Variants in BMS1 observed in about 807,000 individuals in gnomAD.
BMS1 encodes the protein BMS1 ribosome biogenesis factor, also known as ribosome biogenesis protein BMS1 homolog.
A neutral mutation model predicts 138.7 loss-of-function variants in BMS1; 53 were observed. That is an observed-to-expected ratio of 0.38 (90% CI 0.31 to 0.48). The LOEUF (loss-of-function observed/expected upper bound fraction) is 0.48, where lower values mean the gene tolerates loss of function less well. BMS1 is among the 20% of genes least tolerant of loss of function. The pLI is 0.97. For synonymous variants in BMS1, 504 were observed against 539.9 expected (o/e 0.93, Z 0.92); for missense variants, 1,360 against 1,565.5 (o/e 0.87, Z 2.22).
chr10:42,787,231 C>T lies in BMS1; in HGVS notation c.431C>T (p.Ala144Val). 1 of 1,350,722 alleles carries T rather than the reference C, an allele frequency of 7.4e-7. No homozygotes were observed. The highest frequency in any genetic ancestry group is 1.7e-5 in the Admixed American group (1 of 58,222). 83.7% of individuals were successfully genotyped at this position (1,350,722 alleles called of 1,614,324 possible). ...GACATTAACATGATGATTGATCTGG[C>T]TAAAGTAGCAGATCTGGTAAGTGAG... ...GCDINMMIDL[A>V]KVADLVLMLI... Residue 144 changes from alanine to valine, a missense_variant, in exon 4 of 23, where the codon GCT (alanine) becomes GTT (valine). This residue lies in a region of BMS1 where 238 missense variants were observed against 311.1 expected (regional missense o/e 0.77). Coordinates refer to ENST00000374518, the MANE Select transcript of BMS1 (RefSeq NM_014753.4).
chr10:42,810,071 G>A (rs1424270714), intron 13 of BMS1, among the ~76,000 whole-genome samples: 1 of 151,364 alleles, frequency 6.6e-6, no homozygotes, highest in East Asian at 2.0e-4. Context: ...CCAAGCGTTA[G>A]GTTTACAGGC....
rs770642495 is a variant in BMS1, at chr10:42,793,023, A to G, written c.968A>G (p.Gln323Arg). The change falls in exon 8 of 23, where the codon CAA becomes CGA. Residue 323 changes from glutamine (Q) to arginine (R), a missense_variant. Around this residue, in one of 3 missense-constraint regions of BMS1, gnomAD observed 697 missense variants for 686.2 expected, o/e 1.02. Coordinates refer to ENST00000374518, the MANE Select transcript of BMS1 (RefSeq NM_014753.4). Reference protein sequence around the residue: ...LPDPCALPEQQKKRCLNEKEK... With the variant: ...LPDPCALPEQRKKRCLNEKEK... ...GACCCTTGCGCTCTTCCTGAACAAC[A>G]AAAGAAGCGCTGTTTAAATGAGAAG... 10 of 1,614,060 alleles carry G rather than the reference A, an allele frequency of 6.2e-6. No homozygotes were observed. In the South Asian group the frequency reaches 9.9e-5, roughly 16 times the overall value.
Position 42,831,054 on chromosome 10 carries a change from C to A in BMS1, c.3807C>A (p.Asn1269Lys), listed in dbSNP as rs1842789152. 6.3e-7 allele frequency: 1 copy of A among 1,579,490 alleles called. No homozygotes were observed. The highest frequency in any genetic ancestry group is 8.6e-7 in the Non-Finnish European group (1 of 1,161,230). Residue 1269 changes from asparagine to lysine, a missense_variant, in exon 23 of 23, where the codon AAC becomes AAA. Physicochemically the swap from Asn to Lys is moderately conservative, Grantham distance 94. Transcript: ENST00000374518. ...TTCAGGGGCAGAAGGAAAGAAGAAA[C>A]CAGAAGTCCAGTTTGAAGGGGGCTG... is the stretch of plus-strand genomic sequence containing the variant. ...FRIQGQKERR[N>K]QKSSLKGAEG...
chr10:42,801,916 G>A (rs1394451529), intron 12 of BMS1, among the ~76,000 whole-genome samples: 2 of 152,108 alleles, frequency 1.3e-5, no homozygotes, highest in African/African-American at 4.8e-5. Context: ...CAGTAGAGTA[G>A]TAGTATTTAA....
At chr10:42,822,692 TAGAA>T (rs1813573785) in intron 19 of BMS1, among the ~76,000 whole-genome samples, 1 of 152,208 alleles carries the variant, frequency 6.6e-6, no homozygotes, top group African/African-American at 2.4e-5. Flanking sequence ...AACACAGAGT[TAGAA>T]AGTCATAAAA....
intron 18 of BMS1, 60 bp from the exon 19 acceptor site, chr10:42,822,002 A>T: frequency 2.0e-6 from 3 of 1,495,804 alleles, no homozygotes; most frequent in Non-Finnish European, 2.8e-6. Flanking sequence ...TGTCACATAG[A>T]ATTGAAGTTT....
intron 2 of BMS1, 73 bp from the exon 3 acceptor site, chr10:42,785,409 A>C (rs1344261606): frequency 3.6e-6 from 5 of 1,386,610 alleles, no homozygotes; most frequent in Admixed American, 2.4e-5. Flanking sequence ...GTCTACTTAT[A>C]AGGTTGATAC....
chr10:42,830,142 A>T (rs1260410282), intron 21 of BMS1, 119 bp from the exon 22 acceptor site: 2 of 1,159,142 alleles, frequency 1.7e-6, no homozygotes, highest in Non-Finnish European at 2.5e-6. Context: ...CAGGGCCGGC[A>T]GACTCTGGTG....
At chr10:42,825,444 T>C (rs1406697330) in intron 21 of BMS1, among the ~76,000 whole-genome samples, 1 of 152,262 alleles carries the variant, frequency 6.6e-6, no homozygotes, top group Admixed American at 6.5e-5. Context: ...AGGATGTCTT[T>C]CCATTTGTTC....
chr10:42,785,653 C>A lies in BMS1; in HGVS notation c.348C>A (p.Gly116=). ...GGCAGAAGTTGACTGAGATCAGAGG[C>A]CCTGTGACGATTGTGTCAGGTAGGA... is the stretch of plus-strand genomic sequence containing the variant. ...FTRQKLTEIR[G]PVTIVSGKKR... Residue 116 remains glycine, a synonymous_variant, in exon 3 of 23, where the codon GGC becomes GGA. Transcript: ENST00000374518. The A allele has an allele frequency of 3.1e-6, 5 of 1,613,736 alleles. No individual in the cohort carries two copies. Among genetic ancestry groups the A allele is most frequent in the Non-Finnish European group, 3.4e-6 (4 of 1,179,732 alleles).
intron 20 of BMS1, 118 bp downstream of exon 20, chr10:42,823,383 C>G: frequency 1.2e-5 from 16 of 1,361,190 alleles, no homozygotes; most frequent in Non-Finnish European, 1.5e-5. Flanking sequence ...AGCCTTAGAT[C>G]TCCCAGTCTT....
intron 5 of BMS1, 62 bp downstream of exon 5, chr10:42,790,573 G>T: frequency 6.4e-7 from 1 of 1,555,240 alleles, no homozygotes; most frequent in Non-Finnish European, 8.8e-7. Flanking sequence ...GACTGAAGAG[G>T]CCGGGTGCAG....
chr10:42,818,170 T>G (rs1188402948), intron 15 of BMS1, among the ~76,000 whole-genome samples: 5 of 152,244 alleles, frequency 3.3e-5, no homozygotes, highest in African/African-American at 4.8e-5. Context: ...ATATGATTTG[T>G]GAAACGGAGT....
chr10:42,790,335 A>G lies in BMS1; in HGVS notation c.460A>G (p.Ile154Val). 3 of 1,613,868 alleles carry G rather than the reference A, an allele frequency of 1.9e-6. No homozygotes were observed. The highest frequency in any genetic ancestry group is 2.5e-6 in the Non-Finnish European group (3 of 1,179,846). Residue 154 changes from isoleucine to valine, a missense_variant, in exon 5 of 23, where the codon ATA becomes GTA. Ile to Val is a conservative substitution (Grantham distance 29). Around this residue, in one of 3 missense-constraint regions of BMS1, gnomAD observed 238 missense variants for 311.1 expected, o/e 0.77. Transcript: ENST00000374518. ...AKVADLVLMLIDASFGFEMET... is the reference protein window; with the variant it reads ...AKVADLVLMLVDASFGFEMET... ...GTTCTGCTTTTAGGTACTGATGCTT[A>G]TAGATGCCAGCTTTGGGTTTGAAAT...
At chr10:42,821,335 T>C (rs1213674664) in intron 18 of BMS1, among the ~76,000 whole-genome samples, 2 of 152,076 alleles carry the variant, frequency 1.3e-5, no homozygotes, top group Non-Finnish European at 2.9e-5. Context: ...CCATTTTCAT[T>C]TGACCAGTCA....
intron 7 of BMS1, 134 bp downstream of exon 7, chr10:42,792,748 G>A: frequency 2.1e-6 from 3 of 1,408,684 alleles, no homozygotes; most frequent in East Asian, 2.3e-5. Flanking sequence ...AGCCACCTAT[G>A]TGTAGGCCTG....
chr10:42,811,759 C>T (rs541805535), intron 13 of BMS1, among the ~76,000 whole-genome samples: 10 of 150,260 alleles, frequency 6.7e-5, no homozygotes, highest in Middle Eastern at 3.5e-3. Flanking sequence ...CTCCTGACCT[C>T]GTGATCCGCC....
chr10:42,831,239 CAG>C lies in BMS1; in HGVS notation c.*147_*148del. On this transcript the variant is annotated 3_prime_UTR_variant, in exon 23 of 23. Transcript: ENST00000374518. ...CAAACTGTGCCTGCAGGAGGAGGAA[CAG>C]AGAAGCCTGGGCTGCTGGGACTGGG... is the stretch of plus-strand genomic sequence containing the variant. The C allele has an allele frequency of 1.1e-6, 1 of 890,102 alleles. No homozygotes were observed. Among genetic ancestry groups the C allele is most frequent in the Non-Finnish European group, 1.7e-6 (1 of 590,840 alleles). The allele number at this position is 890,102 out of a possible 1,614,324, so 55.1% of individuals were successfully genotyped here.
intron 12 of BMS1, among the ~76,000 whole-genome samples, chr10:42,800,992 T>A (rs1289495009): frequency 1.3e-5 from 2 of 152,140 alleles, no homozygotes; most frequent in African/African-American, 4.8e-5. Context: ...CCTGTAAGAG[T>A]CTGTGCACAC....
Sources: gnomAD v4.1 joint callset for allele counts (sites outside exome capture counted in the v4.1 genomes callset) on GRCh38, gnomAD v4.1.1 for gene constraint, gnomAD v4.1.1 regional missense constraint, MANE v1.5 for transcripts, NCBI Gene and HGNC (gene_info 2026-07-23, HGNC 2026-07-21) for gene names.